Variants in LYPLAL1 observed in about 807,000 individuals in gnomAD.
LYPLAL1 encodes the protein lysophospholipase like 1.
Under a neutral mutation model 19.7 loss-of-function variants are expected in LYPLAL1, and 23 were observed. The observed-to-expected ratio is 1.17, with a 90% CI of 0.84 to 1.65. The LOEUF (loss-of-function observed/expected upper bound fraction) is 1.65. Ranked by LOEUF, LYPLAL1 falls within the 40% of genes most tolerant of loss-of-function variation. The probability of loss-of-function intolerance (pLI) is 0.00; values close to 1 mark genes in which losing one functional copy is unlikely to be tolerated. For synonymous variants in LYPLAL1, 119 were observed against 96.3 expected, an observed-to-expected ratio of 1.24 and a Z score of -1.38; for missense variants, 355 against 279.4, an observed-to-expected ratio of 1.27 and a Z score of -1.93.
the LYPLAL1 span, among the ~76,000 whole-genome samples, chr1:219,417,960 C>A: frequency 6.6e-6 from 1 of 152,240 alleles, no homozygotes; most frequent in African/African-American, 2.4e-5. Context: ...TTTCAACTGG[C>A]TCTTGGATAT....
the LYPLAL1 span, among the ~76,000 whole-genome samples, chr1:219,400,128 C>A: frequency 6.6e-6 from 1 of 152,096 alleles, no homozygotes; most frequent in African/African-American, 2.4e-5. Flanking sequence ...ACAGTATCGT[C>A]GTGCGGGGTT....
At chr1:219,193,287 C>T in intron 3 of LYPLAL1, 36 bp downstream of exon 3, 1 of 1,545,092 alleles carries the variant, frequency 6.5e-7, no homozygotes. Context: ...TATCACTGTT[C>T]ACTTTTGTCT....
the LYPLAL1 span, among the ~76,000 whole-genome samples, chr1:219,279,126 G>T: frequency 1.2e-4 from 18 of 152,130 alleles, no homozygotes; most frequent in Non-Finnish European, 2.5e-4. Context: ...TGAAGGGCTC[G>T]TGCGTTTTTG....
At chr1:219,379,387 T>A in the LYPLAL1 span, among the ~76,000 whole-genome samples, 2 of 152,206 alleles carry the variant, frequency 1.3e-5, no homozygotes, top group Non-Finnish European at 2.9e-5. Context: ...ATTGTCCCAG[T>A]GTGGGAGAAG....
At chr1:219,352,176 T>G in the LYPLAL1 span, among the ~76,000 whole-genome samples, 1 of 152,230 alleles carries the variant, frequency 6.6e-6, no homozygotes, top group Admixed American at 6.5e-5. Context: ...CTGATTTTAC[T>G]TAGCTCAGTG....
the LYPLAL1 span, among the ~76,000 whole-genome samples, chr1:219,329,653 A>G: frequency 6.6e-6 from 1 of 152,196 alleles, no homozygotes; most frequent in Non-Finnish European, 1.5e-5. Flanking sequence ...GTGAGCCTTC[A>G]TTGCTGAAAT....
the LYPLAL1 span, among the ~76,000 whole-genome samples, chr1:219,249,223 C>A: frequency 1.3e-5 from 2 of 152,010 alleles, no homozygotes; most frequent in East Asian, 3.9e-4. Context: ...TTCTATCATT[C>A]TTTCCCTTTA....
At chr1:219,422,050 C>T in the LYPLAL1 span, among the ~76,000 whole-genome samples, 16 of 152,280 alleles carry the variant, frequency 1.1e-4, no homozygotes, top group South Asian at 1.4e-3. Context: ...ACACAACCTA[C>T]GCTGGTTGAT....
chr1:219,406,382 G>A, the LYPLAL1 span, among the ~76,000 whole-genome samples: 2 of 152,152 alleles, frequency 1.3e-5, no homozygotes, highest in African/African-American at 4.8e-5. Flanking sequence ...GTTCAGGTGT[G>A]TATCTACTGA....
the LYPLAL1 span, among the ~76,000 whole-genome samples, chr1:219,368,103 T>A: frequency 6.6e-6 from 1 of 152,292 alleles, no homozygotes; most frequent in East Asian, 1.9e-4. Context: ...AGTAAAAATC[T>A]ATCTCATTTG....
At chr1:219,350,094 G>A in the LYPLAL1 span, among the ~76,000 whole-genome samples, 1 of 152,170 alleles carries the variant, frequency 6.6e-6, no homozygotes, top group Non-Finnish European at 1.5e-5. Context: ...AAACTCTAAT[G>A]TACCTTCAAA....
At chr1:219,296,169 A>G in the LYPLAL1 span, among the ~76,000 whole-genome samples, 1 of 152,228 alleles carries the variant, frequency 6.6e-6, no homozygotes, top group African/African-American at 2.4e-5. Context: ...GGACACATAA[A>G]TGAATCAATC....
At chr1:219,290,007 T>C in the LYPLAL1 span, among the ~76,000 whole-genome samples, 4 of 152,146 alleles carry the variant, frequency 2.6e-5, no homozygotes, top group East Asian at 5.8e-4. Context: ...TGGGGCTCAG[T>C]GAGAGCTGCA....
the LYPLAL1 span, among the ~76,000 whole-genome samples, chr1:219,402,288 G>A: frequency 6.6e-6 from 1 of 152,104 alleles, no homozygotes; most frequent in African/African-American, 2.4e-5. Context: ...AGTTAGTTCT[G>A]CAATAAGCTG....
the LYPLAL1 span, among the ~76,000 whole-genome samples, chr1:219,227,722 G>T: frequency 6.6e-6 from 1 of 152,096 alleles, no homozygotes; most frequent in Non-Finnish European, 1.5e-5. Context: ...GAAGAAAAGA[G>T]GGAATGTTAT....
chr1:219,274,922 A>G, the LYPLAL1 span, among the ~76,000 whole-genome samples: 4 of 152,300 alleles, frequency 2.6e-5, no homozygotes, highest in South Asian at 4.1e-4. Context: ...TTTATATACT[A>G]TTCTTCAAAG....
chr1:219,301,190 T>A, the LYPLAL1 span, among the ~76,000 whole-genome samples: 49,055 of 151,640 alleles, frequency 0.32, 8,336 homozygotes, highest in East Asian at 0.6. Context: ...ATTACATAAA[T>A]CTACTCATTA....
At chr1:219,395,291 G>A in the LYPLAL1 span, among the ~76,000 whole-genome samples, 3 of 152,080 alleles carry the variant, frequency 2.0e-5, no homozygotes, top group Non-Finnish European at 2.9e-5. Context: ...GACCTGTTAT[G>A]TTTTTACTTT....
At chr1:219,177,069 C>T (rs1655877831) in intron 1 of LYPLAL1, among the ~76,000 whole-genome samples, 2 of 152,160 alleles carry the variant, frequency 1.3e-5, no homozygotes, top group African/African-American at 4.8e-5. Flanking sequence ...ATAAAGTAGT[C>T]AGGTTATGCC....
Sources: allele counts gnomAD v4.1 joint callset (sites outside exome capture counted in the v4.1 genomes callset), GRCh38; gene constraint gnomAD v4.1.1; transcripts MANE v1.5; gene names NCBI Gene and HGNC (gene_info 2026-07-23, HGNC 2026-07-21).